PDE1A: variants seen among roughly 807,000 people sequenced by gnomAD.
PDE1A encodes phosphodiesterase 1A.
In PDE1A, 35 loss-of-function variants were observed where a neutral mutation model predicts 61.7. That is an observed-to-expected ratio of 0.57 (90% CI 0.43 to 0.75). The LOEUF is 0.75. PDE1A is among the 30% of genes least tolerant of loss of function. The pLI is 0.00. For missense variants in PDE1A, 597 were observed against 630.6 expected (o/e 0.95, Z 0.57); for synonymous variants, 232 against 213.2 (o/e 1.09, Z -0.77).
At chr2:182,449,515 G>T (rs1334746979) in intron 2 of PDE1A, among the ~76,000 whole-genome samples, 1 of 151,998 alleles carries the variant, frequency 6.6e-6, no homozygotes, top group East Asian at 1.9e-4. Context: ...AAAGGAGGGT[G>T]TTTGTAGTTC....
intron 2 of PDE1A, among the ~76,000 whole-genome samples, chr2:182,508,536 G>T (rs17265405): frequency 0.063 from 9,423 of 150,106 alleles, 327 homozygotes; most frequent in Middle Eastern, 0.099. Flanking sequence ...AGTTCTCTAC[G>T]TGGATATTTA....
At chr2:182,358,135 T>C (rs557894050) in intron 1 of PDE1A, among the ~76,000 whole-genome samples, 9 of 152,328 alleles carry the variant, frequency 5.9e-5, no homozygotes, top group African/African-American at 2.4e-5. Context: ...GTTATCTTTT[T>C]AGGGACGAAT....
chr2:182,200,651 G>C (rs1227761608), intron 10 of PDE1A, among the ~76,000 whole-genome samples: 1 of 152,152 alleles, frequency 6.6e-6, no homozygotes, highest in Non-Finnish European at 1.5e-5. Flanking sequence ...TAGCACTTTT[G>C]AAGTTTTGTG....
At chr2:182,288,996 C>T (rs989415712) in intron 1 of PDE1A, among the ~76,000 whole-genome samples, 2 of 150,878 alleles carry the variant, frequency 1.3e-5, no homozygotes, top group Non-Finnish European at 3.0e-5. Context: ...CTCCAGGCCT[C>T]TTGCTCCTGG....
At chr2:182,212,624 G>T (rs1288683149) in intron 7 of PDE1A, among the ~76,000 whole-genome samples, 1 of 152,224 alleles carries the variant, frequency 6.6e-6, no homozygotes. Context: ...GGGTCAGGGA[G>T]TTCCCTTTCC....
At chr2:182,171,248 T>C (rs1692187682) in intron 13 of PDE1A, among the ~76,000 whole-genome samples, 1 of 152,046 alleles carries the variant, frequency 6.6e-6, no homozygotes, top group South Asian at 2.1e-4. Flanking sequence ...AAAAATGTCC[T>C]GAGGGTAATG....
the PDE1A span, among the ~76,000 whole-genome samples, chr2:182,631,743 A>G: frequency 6.6e-6 from 1 of 152,236 alleles, no homozygotes; most frequent in South Asian, 2.1e-4. Context: ...CTTTTGTCAC[A>G]ATTTACTTTT....
At chr2:182,333,178 GA>G (rs1559346827) in intron 1 of PDE1A, among the ~76,000 whole-genome samples, 2 of 152,130 alleles carry the variant, frequency 1.3e-5, no homozygotes, top group African/African-American at 4.8e-5. Context: ...CAACGAGACA[GA>G]AAATTAACAA....
intron 7 of PDE1A, among the ~76,000 whole-genome samples, chr2:182,212,353 G>A (rs1044673913): frequency 1.3e-5 from 2 of 151,976 alleles, no homozygotes; most frequent in Middle Eastern, 3.2e-3. Context: ...CATTTTTTGA[G>A]GTGAGAACAC....
intron 1 of PDE1A, among the ~76,000 whole-genome samples, chr2:182,416,677 A>C (rs1255728619): frequency 2.0e-5 from 3 of 152,232 alleles, no homozygotes; most frequent in African/African-American, 7.2e-5. Context: ...GCTGAAGCAC[A>C]GTGAATTTCA....
the PDE1A span, among the ~76,000 whole-genome samples, chr2:182,557,237 G>C: frequency 6.6e-6 from 1 of 152,150 alleles, no homozygotes; most frequent in Non-Finnish European, 1.5e-5. Context: ...CAGAGTGACT[G>C]TGTATCAAAA....
chr2:182,594,673 T>C, the PDE1A span, among the ~76,000 whole-genome samples: 2 of 152,248 alleles, frequency 1.3e-5, no homozygotes, highest in African/African-American at 2.4e-5. Flanking sequence ...GGACCACTTC[T>C]TGTATAAAGG....
intron 2 of PDE1A, among the ~76,000 whole-genome samples, chr2:182,509,086 T>C (rs1164002722): frequency 6.6e-6 from 1 of 151,980 alleles, no homozygotes; most frequent in African/African-American, 2.4e-5. Flanking sequence ...TTATTTTCAT[T>C]GGTTAAAAAA....
chr2:182,376,955 G>A (rs139226652), intron 1 of PDE1A, among the ~76,000 whole-genome samples: 1 of 152,148 alleles, frequency 6.6e-6, no homozygotes, highest in Non-Finnish European at 1.5e-5. Flanking sequence ...TAGTATAGGG[G>A]AAACTGCCCC....
At chr2:182,685,800 C>T in the PDE1A span, among the ~76,000 whole-genome samples, 5 of 152,164 alleles carry the variant, frequency 3.3e-5, no homozygotes, top group South Asian at 1.0e-3. Flanking sequence ...ACGCACCTTC[C>T]TCCCCATCTT....
At chr2:182,320,695 C>G (rs1239675902) in intron 1 of PDE1A, among the ~76,000 whole-genome samples, 1 of 152,058 alleles carries the variant, frequency 6.6e-6, no homozygotes, top group Non-Finnish European at 1.5e-5. Context: ...TTCCAATGTT[C>G]GTAGCTAACT....
chr2:182,559,375 G>C, the PDE1A span, among the ~76,000 whole-genome samples: 1 of 152,078 alleles, frequency 6.6e-6, no homozygotes, highest in Non-Finnish European at 1.5e-5. Context: ...TAAAGCCATG[G>C]GAGAGTGTTT....
intron 2 of PDE1A, among the ~76,000 whole-genome samples, chr2:182,456,019 T>A (rs780423524): frequency 9.9e-5 from 15 of 152,088 alleles, no homozygotes; most frequent in African/African-American, 3.6e-4. Context: ...ATTAAACTTA[T>A]GCATTTATTC....
chr2:182,488,332 A>G (rs1354019583), intron 2 of PDE1A, among the ~76,000 whole-genome samples: 2 of 152,190 alleles, frequency 1.3e-5, no homozygotes, highest in Admixed American at 1.3e-4. Flanking sequence ...CAAGGGCTAC[A>G]GTGGATTCTT....
Sources: allele counts gnomAD v4.1 joint callset (sites outside exome capture counted in the v4.1 genomes callset), GRCh38; gene constraint gnomAD v4.1.1; transcripts MANE v1.5; gene names NCBI Gene and HGNC (gene_info 2026-07-23, HGNC 2026-07-21).